Variants in TMEM272 observed in about 807,000 individuals in gnomAD.
TMEM272 encodes long intergenic non-protein coding RNA 282.
TMEM272 carries 8 observed loss-of-function variants against 3.7 expected under a neutral mutation model. The ratio of observed to expected loss-of-function variants is 2.17; its 90% CI spans 1.27 to 3.91. TMEM272 has a LOEUF of 3.91. Among genes scored for constraint, TMEM272 ranks in the 30% most tolerant of loss-of-function variants. The pLI is 0.00. For missense variants in TMEM272, 166 were observed against 91.5 expected, an observed-to-expected ratio of 1.81 and a Z score of -3.32; for synonymous variants, 63 against 39.8, an observed-to-expected ratio of 1.58 and a Z score of -2.20.
At chr13:51,824,994 A>C (rs1294357020) in intron 3 of TMEM272, among the ~76,000 whole-genome samples, 1 of 152,230 alleles carries the variant, frequency 6.6e-6, no homozygotes, top group African/African-American at 2.4e-5. Flanking sequence ...CAGGGTCCAA[A>C]GGCTAGGGTT....
chr13:51,868,349 T>C, the TMEM272 span, among the ~76,000 whole-genome samples: 1 of 152,182 alleles, frequency 6.6e-6, no homozygotes. Context: ...ACTACAGCAG[T>C]GCATGTCACT....
At chr13:51,856,414 T>C in the TMEM272 span, among the ~76,000 whole-genome samples, 1 of 152,116 alleles carries the variant, frequency 6.6e-6, no homozygotes, top group African/African-American at 2.4e-5. Context: ...CCTAATCTTG[T>C]GGCCTTTCAT....
chr13:51,932,999 C>A, the TMEM272 span: 1 of 152,130 alleles, frequency 6.6e-6, no homozygotes, highest in Non-Finnish European at 1.5e-5. Context: ...AAGGAAAACA[C>A]AATCAACAGC....
chr13:51,888,802 C>G, the TMEM272 span, among the ~76,000 whole-genome samples: 1 of 151,844 alleles, frequency 6.6e-6, no homozygotes, highest in African/African-American at 2.4e-5. Flanking sequence ...CCTGCCACCA[C>G]GCCTGGCTAA....
intron 3 of TMEM272, among the ~76,000 whole-genome samples, chr13:51,822,430 CT>C (rs941968576): frequency 1.3e-5 from 2 of 152,178 alleles, no homozygotes; most frequent in African/African-American, 4.8e-5. Context: ...TGCACTCTGC[CT>C]TTCTGAATAG....
chr13:51,838,365 A>C, intron 2 of TMEM272, 108 bp downstream of exon 2: 1 of 696,754 alleles, frequency 1.4e-6, no homozygotes, highest in Non-Finnish European at 2.6e-6. Flanking sequence ...GGGCCACCCC[A>C]TACCAAGCAC....
At chr13:51,887,656 G>A in the TMEM272 span, among the ~76,000 whole-genome samples, 33 of 152,224 alleles carry the variant, frequency 2.2e-4, no homozygotes, top group African/African-American at 7.2e-4. Context: ...TCATTTTCTG[G>A]CCTACTTAAA....
intron 1 of TMEM272, among the ~76,000 whole-genome samples, chr13:51,842,703 A>C (rs1956272799): frequency 6.6e-6 from 1 of 152,246 alleles, no homozygotes; most frequent in African/African-American, 2.4e-5. Flanking sequence ...ATAATCAGGC[A>C]CATTAAGTGA....
At chr13:51,886,257 T>C in the TMEM272 span, among the ~76,000 whole-genome samples, 1 of 152,226 alleles carries the variant, frequency 6.6e-6, no homozygotes, top group African/African-American at 2.4e-5. Flanking sequence ...GAAGTTGGGA[T>C]TAAAAAGCCA....
the TMEM272 span, among the ~76,000 whole-genome samples, chr13:51,907,086 G>C: frequency 1.9e-4 from 29 of 152,334 alleles, no homozygotes; most frequent in African/African-American, 7.0e-4. Flanking sequence ...GGGTGCATCT[G>C]TGACTTGCTT....
chr13:51,885,909 T>G, the TMEM272 span, among the ~76,000 whole-genome samples: 1 of 152,182 alleles, frequency 6.6e-6, no homozygotes, highest in Non-Finnish European at 1.5e-5. Flanking sequence ...AGCAAAGAAT[T>G]TCTAAAAATA....
the TMEM272 span, among the ~76,000 whole-genome samples, chr13:51,894,325 T>G: frequency 6.6e-6 from 1 of 152,204 alleles, no homozygotes. Context: ...ACAGACACTC[T>G]TTCTTTGTGA....
chr13:51,902,483 A>G, the TMEM272 span, among the ~76,000 whole-genome samples: 1 of 152,222 alleles, frequency 6.6e-6, no homozygotes, highest in African/African-American at 2.4e-5. Context: ...GAGGAAAGTT[A>G]TTTTATTAAA....
At chr13:51,894,166 A>T in the TMEM272 span, among the ~76,000 whole-genome samples, 4 of 152,232 alleles carry the variant, frequency 2.6e-5, no homozygotes, top group Non-Finnish European at 5.9e-5. Context: ...CAAATCATCA[A>T]GGAGGGAGTG....
chr13:51,863,016 G>A, the TMEM272 span, among the ~76,000 whole-genome samples: 1 of 152,320 alleles, frequency 6.6e-6, no homozygotes, highest in African/African-American at 2.4e-5. Flanking sequence ...GTATCGCAGA[G>A]GTGGCGAGGA....
At chr13:51,919,192 C>G in the TMEM272 span, among the ~76,000 whole-genome samples, 1 of 152,144 alleles carries the variant, frequency 6.6e-6, no homozygotes, top group African/African-American at 2.4e-5. Flanking sequence ...TGAGCCAATG[C>G]TATAGCTTTA....
chr13:51,906,857 G>A, the TMEM272 span, among the ~76,000 whole-genome samples: 1 of 152,236 alleles, frequency 6.6e-6, no homozygotes, highest in Non-Finnish European at 1.5e-5. Flanking sequence ...GGGACCAACA[G>A]TGAAAGGGAA....
chr13:51,865,526 G>A, the TMEM272 span: 1 of 1,614,238 alleles, frequency 6.2e-7, no homozygotes, highest in Non-Finnish European at 8.5e-7. Flanking sequence ...GGAGGAAAAG[G>A]CTTTTCGCGA....
the TMEM272 span, among the ~76,000 whole-genome samples, chr13:51,904,813 G>A: frequency 6.6e-6 from 1 of 152,226 alleles, no homozygotes; most frequent in Non-Finnish European, 1.5e-5. Context: ...CTGGCTCCAA[G>A]CATTTCAATT....
Sources: gnomAD v4.1 joint callset for allele counts (sites outside exome capture counted in the v4.1 genomes callset) on GRCh38, gnomAD v4.1.1 for gene constraint, MANE v1.5 for transcripts, NCBI Gene and HGNC (gene_info 2026-07-23, HGNC 2026-07-21) for gene names.